Variants in LEKR1 observed in about 807,000 individuals in gnomAD.
LEKR1 encodes the protein leucine, glutamate and lysine rich 1.
LEKR1 carries 59 observed loss-of-function variants against 72.4 expected under a neutral mutation model. The observed-to-expected ratio is 0.82, with a 90% confidence interval of 0.66 to 1.01. LEKR1 has a LOEUF of 1.01. LEKR1 is among the 50% of genes least tolerant of loss of function. The pLI, the probability that LEKR1 is intolerant of heterozygous loss-of-function variation, is 0.00. For synonymous variants in LEKR1, 257 were observed against 263.2 expected, an observed-to-expected ratio of 0.98 and a Z score of 0.23; for missense variants, 728 against 759.2, an observed-to-expected ratio of 0.96 and a Z score of 0.48.
At chr3:157,008,157 C>T (rs1245046257) in intron 9 of LEKR1, among the ~76,000 whole-genome samples, 1 of 152,188 alleles carries the variant, frequency 6.6e-6, no homozygotes, top group Non-Finnish European at 1.5e-5. Context: ...GTTAATAGAT[C>T]TCCCTTTCAC....
At chr3:156,839,647 G>C (rs1304418629) in intron 2 of LEKR1, among the ~76,000 whole-genome samples, 2 of 152,150 alleles carry the variant, frequency 1.3e-5, no homozygotes, top group Non-Finnish European at 1.5e-5. Flanking sequence ...ACTTGGAGAT[G>C]ATTTTTTTTT....
At chr3:156,860,694 A>G (rs1442857238) in intron 3 of LEKR1, among the ~76,000 whole-genome samples, 1 of 152,172 alleles carries the variant, frequency 6.6e-6, no homozygotes, top group Non-Finnish European at 1.5e-5. Flanking sequence ...AAACCTACCT[A>G]CCTCCAACCT....
intron 9 of LEKR1, among the ~76,000 whole-genome samples, chr3:156,997,920 G>A (rs189114206): frequency 5.3e-5 from 8 of 152,324 alleles, no homozygotes; most frequent in African/African-American, 1.9e-4. Context: ...AGGTAGGGAA[G>A]AATCTTCAGT....
intron 12 of LEKR1, among the ~76,000 whole-genome samples, chr3:157,038,545 T>G (rs972915312): frequency 6.6e-6 from 1 of 152,088 alleles, no homozygotes; most frequent in African/African-American, 2.4e-5. Flanking sequence ...GAGCAAGGGT[T>G]GAGAACAGGC....
chr3:156,845,400 G>A (rs1379364376), intron 2 of LEKR1, among the ~76,000 whole-genome samples: 3 of 151,574 alleles, frequency 2.0e-5, no homozygotes, highest in Non-Finnish European at 4.4e-5. Flanking sequence ...TAAATATGAG[G>A]TCTTTTCCAG....
At chr3:157,023,255 TC>T (rs1733963044) in intron 10 of LEKR1, among the ~76,000 whole-genome samples, 1 of 152,186 alleles carries the variant, frequency 6.6e-6, no homozygotes, top group African/African-American at 2.4e-5. Context: ...CACTGGGATT[TC>T]CTTTTCCAGT....
chr3:156,970,868 T>C (rs888995066), intron 6 of LEKR1, among the ~76,000 whole-genome samples: 1 of 152,062 alleles, frequency 6.6e-6, no homozygotes, highest in Non-Finnish European at 1.5e-5. Flanking sequence ...GAACATTCCA[T>C]GCTCATGGGT....
At chr3:156,939,755 A>G (rs1012378894) in intron 5 of LEKR1, among the ~76,000 whole-genome samples, 1 of 152,180 alleles carries the variant, frequency 6.6e-6, no homozygotes, top group Admixed American at 6.6e-5. Context: ...AAACAAGAGC[A>G]TACTTATTTT....
intron 9 of LEKR1, among the ~76,000 whole-genome samples, chr3:157,006,911 C>T (rs937424583): frequency 6.6e-6 from 1 of 151,928 alleles, no homozygotes; most frequent in East Asian, 1.9e-4. Flanking sequence ...TGATGGATTA[C>T]AAAGAGGCGG....
At chr3:156,910,693 G>A (rs1024161895) in intron 3 of LEKR1, among the ~76,000 whole-genome samples, 3 of 152,214 alleles carry the variant, frequency 2.0e-5, no homozygotes, top group Admixed American at 6.5e-5. Flanking sequence ...TGGCTACATA[G>A]TATTCCATAT....
chr3:157,018,193 G>A lies in LEKR1; in HGVS notation c.1204-6567G>A, dbSNP rs140304872. 4.5e-3 allele frequency among the ~76,000 whole-genome samples: 685 copies of A among 152,198 alleles called. 2 individuals carry two copies. The highest frequency in any genetic ancestry group is 0.015 in the African/African-American group (636 of 41,530). On this transcript the variant is annotated intron_variant, in intron 10 of 12. Coordinates refer to ENST00000356539, the MANE Select transcript of LEKR1 (RefSeq NM_001004316.3). ...AGAACTGTGAGAAGTAAATTCACTA[G>A]TTAGAGCCTAAGATATCAATTCCTT...
intron 6 of LEKR1, among the ~76,000 whole-genome samples, chr3:156,944,889 A>C (rs1726549505): frequency 6.6e-6 from 1 of 151,640 alleles, no homozygotes; most frequent in Admixed American, 6.6e-5. Context: ...GGGAGTGTAG[A>C]TATCTCTTCA....
chr3:156,934,344 C>G (rs1725509254), intron 5 of LEKR1, among the ~76,000 whole-genome samples: 1 of 152,028 alleles, frequency 6.6e-6, no homozygotes. Flanking sequence ...AACAGTACAC[C>G]CACATTTTCA....
chr3:156,919,357 C>T (rs565102455), intron 3 of LEKR1, among the ~76,000 whole-genome samples: 237 of 136,274 alleles, frequency 1.7e-3, no homozygotes, highest in Middle Eastern at 3.5e-3. Context: ...CTTTGTATTA[C>T]GAGCATTGTT....
chr3:156,955,479 G>A (rs552631436), intron 6 of LEKR1, among the ~76,000 whole-genome samples: 1 of 152,104 alleles, frequency 6.6e-6, no homozygotes, highest in East Asian at 1.9e-4. Flanking sequence ...TTGGCTGTGG[G>A]TTTGTCATAT....
chr3:156,981,968 T>C (rs1730245077), intron 7 of LEKR1, among the ~76,000 whole-genome samples: 1 of 152,214 alleles, frequency 6.6e-6, no homozygotes, highest in African/African-American at 2.4e-5. Context: ...TTGTCACCTG[T>C]AAGTTAATTC....
intron 7 of LEKR1, among the ~76,000 whole-genome samples, chr3:156,985,222 AAAAATAT>A (rs1458892197): frequency 1.3e-5 from 2 of 152,224 alleles, no homozygotes. Flanking sequence ...TAAGTGCCGC[AAAAATAT>A]AAAATAGGCA....
intron 5 of LEKR1, among the ~76,000 whole-genome samples, chr3:156,938,160 CACAT>C (rs1298971232): frequency 2.0e-5 from 3 of 152,180 alleles, no homozygotes; most frequent in African/African-American, 7.2e-5. Context: ...CACACACACA[CACAT>C]GAGTGTGTAT....
chr3:156,840,342 A>G lies in LEKR1; in HGVS notation c.48+10965A>G, dbSNP rs572035937. ...TAATCTAATTAACACGCAGTTCTTT[A>G]GTTTTTATGCTGTTCTCTTCCCTGT... On this transcript the variant is annotated intron_variant, in intron 2 of 12. Transcript: ENST00000356539. Among the ~76,000 whole-genome samples the G allele has an allele frequency of 1.2e-4, 19 of 152,260 alleles. 1 individual carries two copies. In the South Asian group the frequency reaches 3.9e-3, roughly 32 times the overall value.
Sources: gnomAD v4.1 joint callset for allele counts (sites outside exome capture counted in the v4.1 genomes callset) on GRCh38, gnomAD v4.1.1 for gene constraint, MANE v1.5 for transcripts, NCBI Gene and HGNC (gene_info 2026-07-23, HGNC 2026-07-21) for gene names.